MYO5B: variants seen among roughly 807,000 people sequenced by gnomAD.
MYO5B encodes the protein myosin VB.
A neutral mutation model predicts 229.3 loss-of-function variants in MYO5B; 143 were observed. The ratio of observed to expected loss-of-function variants is 0.62; its 90% CI spans 0.54 to 0.72. The LOEUF (loss-of-function observed/expected upper bound fraction) is 0.72. Ranked by LOEUF, MYO5B falls within the 30% of genes least tolerant of loss-of-function variation. MYO5B has a pLI of 0.00. For synonymous variants in MYO5B, 918 were observed against 885.2 expected, an observed-to-expected ratio of 1.04 and a Z score of -0.66; for missense variants, 2,321 against 2,331.0, an observed-to-expected ratio of 1.00 and a Z score of 0.09.
At chr18:50,180,912 A>G (rs915201290) in intron 1 of MYO5B, among the ~76,000 whole-genome samples, 6 of 152,210 alleles carry the variant, frequency 3.9e-5, no homozygotes, top group Non-Finnish European at 7.3e-5. Flanking sequence ...TCATCCATTC[A>G]TCATTCCTTG....
At chr18:50,164,674 G>A (rs2032818397) in intron 1 of MYO5B, among the ~76,000 whole-genome samples, 1 of 152,046 alleles carries the variant, frequency 6.6e-6, no homozygotes, top group Non-Finnish European at 1.5e-5. Flanking sequence ...GTGGTTTGCT[G>A]CACCTATCAA....
rs1058543 is a variant in MYO5B at position 49,826,489 on chromosome 18, T to C, written c.5529A>G (p.Glu1843=). ...TGCATCTTCAGACTTCATTGAGGAA[T>C]TCCAGATTGAGACACGCTGGGATGT... ...SIHIPACLNL[E]FLNEV Residue 1843 remains glutamate, a synonymous_variant, in exon 40 of 40, where the codon GAA becomes GAG. Coordinates refer to ENST00000285039, the MANE Select transcript of MYO5B (RefSeq NM_001080467.3). The C allele has an allele frequency of 1.2e-6, 2 of 1,614,004 alleles. No individual in the cohort carries two copies. Among genetic ancestry groups the C allele is most frequent in the Non-Finnish European group, 1.7e-6 (2 of 1,179,914 alleles).
intron 1 of MYO5B, among the ~76,000 whole-genome samples, chr18:50,123,130 C>T (rs1011428648): frequency 6.6e-6 from 1 of 152,218 alleles, no homozygotes; most frequent in Non-Finnish European, 1.5e-5. Context: ...TGTTCTCATA[C>T]AGCCTACTAT....
At chr18:49,929,687 C>A (rs1264304617) in intron 16 of MYO5B, 89 bp from the exon 17 acceptor site, 8 of 1,197,548 alleles carry the variant, frequency 6.7e-6, no homozygotes, top group Non-Finnish European at 8.4e-6. Context: ...TCTTTTCCTG[C>A]AGCATGTGAA....
intron 1 of MYO5B, among the ~76,000 whole-genome samples, chr18:50,184,345 G>C (rs2033117784): frequency 6.6e-6 from 1 of 152,102 alleles, no homozygotes; most frequent in Non-Finnish European, 1.5e-5. Context: ...GATCTTGGTG[G>C]GTTTTCTGTT....
intron 1 of MYO5B, among the ~76,000 whole-genome samples, chr18:50,183,853 C>T (rs1240454664): frequency 3.3e-5 from 5 of 152,006 alleles, no homozygotes; most frequent in East Asian, 3.9e-4. Context: ...AGACTGGATT[C>T]GTTCTCCTGG....
At chr18:49,983,194 C>A (rs184046079) in intron 8 of MYO5B, among the ~76,000 whole-genome samples, 1 of 152,322 alleles carries the variant, frequency 6.6e-6, no homozygotes, top group African/African-American at 2.4e-5. Context: ...AACATTTCTC[C>A]TTTGCCTACT....
rs888675043 is a variant in MYO5B, at chr18:49,940,254, G to A, written c.1753-2857C>T. On this transcript the variant is annotated intron_variant, in intron 14 of 39. Transcript: ENST00000285039. ...CTTTTTCACATTACAGTCTACAGTGGGCCCTGGCTCATCTCCCTTCTGCAG... is the reference window on the plus strand; with the variant it reads ...CTTTTTCACATTACAGTCTACAGTGAGCCCTGGCTCATCTCCCTTCTGCAG... Among the ~76,000 whole-genome samples, 6 of 152,194 alleles carry A rather than the reference G, an allele frequency of 3.9e-5. No homozygotes were observed. In the Middle Eastern group the frequency reaches 0.01, roughly 259 times the overall value.
At chr18:50,010,451 G>A (rs576934942) in intron 4 of MYO5B, among the ~76,000 whole-genome samples, 2 of 152,292 alleles carry the variant, frequency 1.3e-5, no homozygotes, top group South Asian at 2.1e-4. Context: ...GGCACTCCTC[G>A]GTGTAAATGG....
intron 1 of MYO5B, among the ~76,000 whole-genome samples, chr18:50,107,995 G>A (rs901450880): frequency 1.5e-4 from 22 of 148,828 alleles, no homozygotes; most frequent in South Asian, 4.4e-4. Flanking sequence ...TACAACCTTC[G>A]CCTCCCAGGT....
chr18:49,954,644 C>T (rs2025471685), intron 12 of MYO5B, among the ~76,000 whole-genome samples: 1 of 152,146 alleles, frequency 6.6e-6, no homozygotes. Context: ...TGGGCTGGCT[C>T]CCTTGGGACC....
At position 49,908,519 on chromosome 18, in the gene MYO5B, C is replaced by T. The variant is rs139657721; in HGVS notation, c.2203-1889G>A. Among the ~76,000 whole-genome samples, 643 of 152,316 alleles carry T rather than the reference C, an allele frequency of 4.2e-3. 5 individuals carry two copies. The highest frequency in any genetic ancestry group is 0.015 in the African/African-American group (620 of 41,564). Reference sequence around the variant, plus strand: ...TTGAGCAAATATCAAAGGATAACCCCAGATCTGGGTCTCCCAGGCCCCAAG... The same window carrying T: ...TTGAGCAAATATCAAAGGATAACCCTAGATCTGGGTCTCCCAGGCCCCAAG... On this transcript the variant is annotated intron_variant, in intron 18 of 39. Transcript: ENST00000285039.
chr18:49,971,240 G>C (rs1415014991), intron 10 of MYO5B, among the ~76,000 whole-genome samples: 1 of 152,206 alleles, frequency 6.6e-6, no homozygotes, highest in East Asian at 1.9e-4. Flanking sequence ...GTTTGAACTG[G>C]GAAGGAGGTG....
intron 35 of MYO5B, among the ~76,000 whole-genome samples, chr18:49,840,814 G>A: frequency 6.6e-6 from 1 of 152,230 alleles, no homozygotes; most frequent in Non-Finnish European, 1.5e-5. Context: ...GTGAAGTGAT[G>A]GGGTTAGTAG....
Position 49,931,694 on chromosome 18 carries a change from C to G in MYO5B, c.2004-2096G>C, listed in dbSNP as rs117048707. Among the ~76,000 whole-genome samples the G allele has an allele frequency of 4.4e-3, 666 of 152,236 alleles. 28 individuals carry two copies. The East Asian group carries it at 0.1, about 23-fold the overall frequency. On this transcript the variant is annotated intron_variant, in intron 16 of 39. Coordinates refer to ENST00000285039, the MANE Select transcript of MYO5B (RefSeq NM_001080467.3). ...TCTTCATTACCAGGGGCGGCAATGA[C>G]CAGTCATAAGCAGCTGCTCGGCTGC... is the stretch of plus-strand genomic sequence containing the variant.
chr18:49,856,730 A>C, intron 30 of MYO5B, 83 bp downstream of exon 30: 1 of 1,175,532 alleles, frequency 8.5e-7, no homozygotes, highest in Non-Finnish European at 1.3e-6. Context: ...TCTCGCACCC[A>C]CTGTAGCTGA....
chr18:50,150,836 T>C (rs559053810), intron 1 of MYO5B, among the ~76,000 whole-genome samples: 78 of 149,766 alleles, frequency 5.2e-4, no homozygotes, highest in Non-Finnish European at 8.5e-4. Flanking sequence ...AGTATAATAA[T>C]AAAAAAAAAG....
chr18:50,027,488 G>A (rs1302616494), intron 4 of MYO5B, among the ~76,000 whole-genome samples: 1 of 152,200 alleles, frequency 6.6e-6, no homozygotes, highest in Non-Finnish European at 1.5e-5. Flanking sequence ...AAGTGAAGGA[G>A]CTTGACCCGG....
At chr18:49,843,943 C>T (rs1003301692) in intron 33 of MYO5B, among the ~76,000 whole-genome samples, 5 of 152,224 alleles carry the variant, frequency 3.3e-5, no homozygotes, top group Non-Finnish European at 7.3e-5. Context: ...ATTACCCAGC[C>T]GTGCTTGCCC....
Sources: gnomAD v4.1 joint callset for allele counts (sites outside exome capture counted in the v4.1 genomes callset) on GRCh38, gnomAD v4.1.1 for gene constraint, MANE v1.5 for transcripts, NCBI Gene and HGNC (gene_info 2026-07-23, HGNC 2026-07-21) for gene names.